WWOX: variants seen among roughly 807,000 people sequenced by gnomAD.
WWOX encodes WW domain-containing oxidoreductase.
WWOX carries 69 observed loss-of-function variants against 46.2 expected under a neutral mutation model. That is an observed-to-expected ratio of 1.49 (90% CI 1.23 to 1.82). WWOX has a LOEUF of 1.82. Ranked by LOEUF, WWOX falls within the 40% of genes most tolerant of loss-of-function variation. The pLI is 0.00. For synonymous variants in WWOX, 359 were observed against 202.6 expected (o/e 1.77, Z -6.56); for missense variants, 919 against 542.6 (o/e 1.69, Z -6.89).
At chr16:78,100,316 C>T in intron 1 of WWOX, 1 of 923,654 alleles carries the variant, frequency 1.1e-6, no homozygotes, top group African/African-American at 1.8e-5. Context: ...GCAGGGGTGC[C>T]ATCATAGCCC....
Position 78,199,345 on chromosome 16 carries a change from T to A in WWOX, c.516+35056T>A, listed in dbSNP as rs77061049. ...CAAACAAACAAACAAACAAACAAAC[T>A]AAGAACAACAACGAAAAAACTCCCA... is the stretch of plus-strand genomic sequence containing the variant. On this transcript the variant is annotated intron_variant, in intron 5 of 8. Transcript: ENST00000566780. Among the ~76,000 whole-genome samples, 530 of 144,466 alleles carry A rather than the reference T, an allele frequency of 3.7e-3. 2 individuals are homozygous for A. Among genetic ancestry groups the A allele is most frequent in the African/African-American group, 0.013 (481 of 37,126 alleles). 94.8% of individuals were successfully genotyped at this position (144,466 alleles called of 152,430 possible).
chr16:78,916,837 A>G (rs753500446), intron 8 of WWOX, among the ~76,000 whole-genome samples: 1 of 152,202 alleles, frequency 6.6e-6, no homozygotes, highest in Non-Finnish European at 1.5e-5. Flanking sequence ...CCAGTGTTAA[A>G]CCCTTTCGAT....
intron 5 of WWOX, among the ~76,000 whole-genome samples, chr16:78,382,167 T>A (rs1360529923): frequency 6.6e-6 from 1 of 152,194 alleles, no homozygotes; most frequent in Non-Finnish European, 1.5e-5. Flanking sequence ...CTGAGTTAGT[T>A]GTTGTTGTTC....
intron 8 of WWOX, among the ~76,000 whole-genome samples, chr16:78,722,524 T>G (rs2048717460): frequency 1.3e-5 from 2 of 152,088 alleles, no homozygotes. Context: ...CATATTTTAT[T>G]TCATGGAGTT....
chr16:78,795,228 A>T (rs1307796042), intron 8 of WWOX, among the ~76,000 whole-genome samples: 2 of 152,180 alleles, frequency 1.3e-5, no homozygotes, highest in Admixed American at 1.3e-4. Context: ...TTCACACTTC[A>T]CAGATATTCT....
intron 5 of WWOX, chr16:78,355,521 G>C (rs374174582): frequency 1.6e-5 from 6 of 381,372 alleles, no homozygotes; most frequent in South Asian, 1.5e-4. Flanking sequence ...AGAATTACTT[G>C]ATGAAACATG....
chr16:78,182,432 G>C (rs930406058), intron 5 of WWOX, among the ~76,000 whole-genome samples: 2 of 151,924 alleles, frequency 1.3e-5, no homozygotes, highest in Admixed American at 6.6e-5. Flanking sequence ...TCTTGGCACA[G>C]ACTATGTCCT....
intron 4 of WWOX, among the ~76,000 whole-genome samples, chr16:78,142,418 A>G (rs1287138016): frequency 6.6e-6 from 1 of 152,216 alleles, no homozygotes; most frequent in African/African-American, 2.4e-5. Context: ...TTGTAAAAAC[A>G]TTATCAAGCT....
chr16:78,636,896 C>CT (rs1487205586), intron 8 of WWOX, among the ~76,000 whole-genome samples: 2 of 152,178 alleles, frequency 1.3e-5, no homozygotes, highest in African/African-American at 4.8e-5. Context: ...AAGGACCAAT[C>CT]TGAGGGCCTG....
intron 8 of WWOX, among the ~76,000 whole-genome samples, chr16:78,755,903 T>G (rs947988917): frequency 1.3e-5 from 2 of 152,152 alleles, no homozygotes; most frequent in East Asian, 3.9e-4. Context: ...CTTCATAGGA[T>G]TTTTGTCAGG....
intron 5 of WWOX, among the ~76,000 whole-genome samples, chr16:78,284,802 C>G (rs941358110): frequency 5.9e-5 from 9 of 152,180 alleles, no homozygotes; most frequent in African/African-American, 2.2e-4. Flanking sequence ...ACTTACAAAG[C>G]TTGGTCCTAA....
chr16:79,095,840 C>T (rs544454292), intron 8 of WWOX, among the ~76,000 whole-genome samples: 6 of 149,532 alleles, frequency 4.0e-5, no homozygotes, highest in African/African-American at 1.2e-4. Context: ...GCCTGGATCA[C>T]TGCTCAATTC....
chr16:79,020,429 G>T (rs11647712), intron 8 of WWOX, among the ~76,000 whole-genome samples: 89 of 152,028 alleles, frequency 5.9e-4, no homozygotes, highest in Non-Finnish European at 1.5e-4. Flanking sequence ...CCTCTTTGTG[G>T]CTCAGTTTCT....
intron 8 of WWOX, among the ~76,000 whole-genome samples, chr16:78,988,342 CT>C (rs2046820563): frequency 2.5e-5 from 2 of 79,834 alleles, no homozygotes; most frequent in Admixed American, 1.2e-4. Flanking sequence ...AAAACTCTGT[CT>C]CAAAAAAAAT....
intron 5 of WWOX, among the ~76,000 whole-genome samples, chr16:78,330,070 C>G (rs1277962541): frequency 6.6e-6 from 1 of 152,108 alleles, no homozygotes; most frequent in East Asian, 1.9e-4. Context: ...TTGTCTTTTT[C>G]TAATAACCAT....
At chr16:78,691,541 T>C (rs1004291923) in intron 8 of WWOX, among the ~76,000 whole-genome samples, 1 of 151,916 alleles carries the variant, frequency 6.6e-6, no homozygotes. Context: ...ATCCTGTCTC[T>C]ACAAAAAATA....
At chr16:78,738,073 G>A (rs529444432) in intron 8 of WWOX, among the ~76,000 whole-genome samples, 1 of 152,156 alleles carries the variant, frequency 6.6e-6, no homozygotes, top group Non-Finnish European at 1.5e-5. Flanking sequence ...AGTGGCAGCT[G>A]CCCACTTCCA....
rs111647544 is a variant in WWOX at position 78,878,901 on chromosome 16, GAAA to G, written c.1057-332690_1057-332688del. The stretch of plus-strand genomic sequence containing the variant: ...CAAAATACTATCTCTACAAAAAAAT[GAAA>G]AAAAAAAAAAAAAAAAGCCTGTCAT... On this transcript the variant is annotated intron_variant, in intron 8 of 8. Transcript: ENST00000566780. Among the ~76,000 whole-genome samples the G allele has an allele frequency of 2.8e-4, 24 of 86,934 alleles. 1 individual carries two copies. Among genetic ancestry groups the G allele is most frequent in the African/African-American group, 1.0e-3 (23 of 22,754 alleles). 57.0% of individuals were successfully genotyped at this position (86,934 alleles called of 152,430 possible).
At chr16:78,478,819 T>C (rs1473794183) in intron 8 of WWOX, among the ~76,000 whole-genome samples, 2 of 152,184 alleles carry the variant, frequency 1.3e-5, no homozygotes, top group Non-Finnish European at 2.9e-5. Context: ...ATTTATTTTT[T>C]ATTTATTTAT....
Sources: gnomAD v4.1 joint callset for allele counts (sites outside exome capture counted in the v4.1 genomes callset) on GRCh38, gnomAD v4.1.1 for gene constraint, MANE v1.5 for transcripts, NCBI Gene and HGNC (gene_info 2026-07-23, HGNC 2026-07-21) for gene names.